The following TC2N variants were observed in gnomAD, a reference collection of about 807,000 sequenced individuals.
TC2N encodes the protein tandem C2 domains, nuclear, also known as tandem C2 domains nuclear protein.
In TC2N, 51 loss-of-function variants were observed where a neutral mutation model predicts 61.9. The ratio of observed to expected loss-of-function variants is 0.82; its 90% CI spans 0.66 to 1.04. The LOEUF (loss-of-function observed/expected upper bound fraction) is 1.04, where lower values mean the gene tolerates loss of function less well. TC2N is among the 50% of genes least tolerant of loss of function. TC2N has a pLI of 0.00. For synonymous variants in TC2N, 204 were observed against 192.6 expected, an observed-to-expected ratio of 1.06 and a Z score of -0.49; for missense variants, 556 against 566.7, an observed-to-expected ratio of 0.98 and a Z score of 0.19.
At chr14:91,839,368 C>A (rs1888123093) in intron 1 of TC2N, among the ~76,000 whole-genome samples, 1 of 152,216 alleles carries the variant, frequency 6.6e-6, no homozygotes, top group Admixed American at 6.5e-5. Flanking sequence ...CCCCACAACA[C>A]CCATTCCTGA....
At chr14:91,841,977 T>G (rs1326048431) in intron 1 of TC2N, among the ~76,000 whole-genome samples, 1 of 3,794 alleles carries the variant, frequency 2.6e-4, no homozygotes, top group African/African-American at 3.3e-4. Context: ...CCCTTCCACC[T>G]TTTTTTTTTT....
At chr14:91,830,147 C>T in intron 1 of TC2N, among the ~76,000 whole-genome samples, 1 of 152,166 alleles carries the variant, frequency 6.6e-6, no homozygotes, top group East Asian at 1.9e-4. Context: ...ATTCCTCAAA[C>T]ACTTCACACA....
At chr14:91,865,375 T>G (rs1415792521) in intron 1 of TC2N, among the ~76,000 whole-genome samples, 2 of 145,148 alleles carry the variant, frequency 1.4e-5, no homozygotes, top group African/African-American at 2.6e-5. Context: ...CTTGGTTTTT[T>G]TTTTTTTTTT....
intron 3 of TC2N, among the ~76,000 whole-genome samples, chr14:91,804,193 T>C (rs1245908948): frequency 6.6e-6 from 1 of 152,190 alleles, no homozygotes; most frequent in Admixed American, 6.5e-5. Context: ...CAATAGTACG[T>C]GTTGGCAAGA....
chr14:91,824,781 GAA>G (rs1383000564), intron 1 of TC2N, among the ~76,000 whole-genome samples: 2 of 152,124 alleles, frequency 1.3e-5, no homozygotes, highest in Non-Finnish European at 2.9e-5. Flanking sequence ...TGTATAATCA[GAA>G]AAGACTTCTC....
At chr14:91,809,514 TA>T (rs1226953142) in intron 3 of TC2N, among the ~76,000 whole-genome samples, 7 of 151,696 alleles carry the variant, frequency 4.6e-5, no homozygotes, top group Non-Finnish European at 1.0e-4. Context: ...AGCAAGAAAA[TA>T]AAAACCCTGA....
Position 91,823,360 on chromosome 14 carries a change from A to C in TC2N, c.-56-9535T>G, listed in dbSNP as rs1313692561. On this transcript the variant is annotated intron_variant, in intron 1 of 11. Coordinates refer to ENST00000435962, the MANE Select transcript of TC2N (RefSeq NM_001128596.3). ...ACCTGAAGAAACCCCATCTCTACTA[A>C]AAATAAAAAATTAGTTGGGCATGGT... is the stretch of plus-strand genomic sequence containing the variant. Among the ~76,000 whole-genome samples the C allele has an allele frequency of 2.0e-5, 3 of 151,628 alleles. No homozygotes were observed. In the East Asian group the frequency reaches 5.9e-4, roughly 30 times the overall value.
chr14:91,792,105 C>A (rs1417111126), intron 9 of TC2N, among the ~76,000 whole-genome samples: 3 of 149,922 alleles, frequency 2.0e-5, no homozygotes, highest in African/African-American at 7.4e-5. Flanking sequence ...GGCGACAGAG[C>A]GAGACTCCAT....
chr14:91,822,230 A>G (rs1887287267), intron 1 of TC2N, among the ~76,000 whole-genome samples: 1 of 152,240 alleles, frequency 6.6e-6, no homozygotes, highest in African/African-American at 2.4e-5. Context: ...CAAAATAGCC[A>G]AAAATTGAAA....
chr14:91,829,527 T>C (rs1409594467), intron 1 of TC2N, among the ~76,000 whole-genome samples: 1 of 152,162 alleles, frequency 6.6e-6, no homozygotes, highest in Non-Finnish European at 1.5e-5. Context: ...TTACATTTAG[T>C]TCTTTTTTCA....
At chr14:91,803,436 T>C (rs549310567) in intron 3 of TC2N, among the ~76,000 whole-genome samples, 43 of 150,180 alleles carry the variant, frequency 2.9e-4, no homozygotes, top group African/African-American at 9.5e-4. Context: ...CACATATATA[T>C]ATATAATTTT....
chr14:91,797,720 G>T lies in TC2N; in HGVS notation c.855+65C>A, dbSNP rs1487666516. On this transcript the variant is annotated intron_variant, in intron 8 of 11. Transcript: ENST00000435962. ...TTCTTATTCTGACTTGTTTACATGG[G>T]TAAAAGTGACAAATATAAAAAAAAA... The T allele has an allele frequency of 1.2e-5, 13 of 1,044,896 alleles. No homozygotes were observed. The Admixed American group carries it at 2.3e-4, about 18-fold the overall frequency. The allele number at this position is 1,044,896 out of a possible 1,614,324, so 64.7% of individuals were successfully genotyped here.
intron 3 of TC2N, among the ~76,000 whole-genome samples, chr14:91,808,473 T>C (rs963464115): frequency 2.0e-5 from 3 of 152,206 alleles, no homozygotes; most frequent in Admixed American, 6.5e-5. Flanking sequence ...TCATTATTGA[T>C]AGCAGTCTGC....
intron 1 of TC2N, among the ~76,000 whole-genome samples, chr14:91,848,531 G>T (rs759857480): frequency 6.6e-6 from 1 of 152,156 alleles, no homozygotes; most frequent in Admixed American, 6.5e-5. Context: ...CTAGTGGGAG[G>T]AAAATGCACT....
chr14:91,793,003 T>C (rs1007938181), intron 8 of TC2N, among the ~76,000 whole-genome samples: 3 of 152,166 alleles, frequency 2.0e-5, no homozygotes, highest in African/African-American at 7.2e-5. Flanking sequence ...TTTAAAGGAG[T>C]TATTTTTTGT....
At chr14:91,813,908 C>A in intron 1 of TC2N, 83 bp from the exon 2 acceptor site, 1 of 486,290 alleles carries the variant, frequency 2.1e-6, no homozygotes. Context: ...CATTATCTGT[C>A]TTTCTAAGAC....
intron 1 of TC2N, among the ~76,000 whole-genome samples, chr14:91,860,862 C>G (rs868354375): frequency 2.0e-5 from 3 of 152,216 alleles, no homozygotes; most frequent in Non-Finnish European, 2.9e-5. Flanking sequence ...GGATGAATAA[C>G]TCTGTAATCT....
At chr14:91,841,590 G>C (rs1888164068) in intron 1 of TC2N, among the ~76,000 whole-genome samples, 1 of 152,188 alleles carries the variant, frequency 6.6e-6, no homozygotes. Flanking sequence ...CTGCTGGCCA[G>C]AGGACCCAAG....
rs759603073 is a variant in TC2N, at chr14:91,785,265, C to T, written c.1259G>A (p.Gly420Glu). 5 of 1,612,676 alleles carry T rather than the reference C, an allele frequency of 3.1e-6. No homozygotes were observed. The highest frequency in any genetic ancestry group is 1.7e-5 in the Admixed American group (1 of 59,966). ...LKASNGRVKW[G>E]ETMIFPLIQS... ...TATAAGTGGAAAAATCATAGTCTCT[C>T]CCCACTTGACTCTTCCATTGGAGGC... Residue 420 changes from glycine (G) to glutamate (E), a missense_variant, in exon 11 of 12, where the codon GGA becomes GAA. Physicochemically the swap from Gly to Glu is moderately conservative, Grantham distance 98. Coordinates refer to ENST00000435962, the MANE Select transcript of TC2N (RefSeq NM_001128596.3).
Sources: allele counts gnomAD v4.1 joint callset (sites outside exome capture counted in the v4.1 genomes callset), GRCh38; gene constraint gnomAD v4.1.1; transcripts MANE v1.5; gene names NCBI Gene and HGNC (gene_info 2026-07-23, HGNC 2026-07-21).